Variants in SYNPR observed in about 807,000 individuals in gnomAD.
SYNPR encodes the protein synaptoporin.
SYNPR carries 23 observed loss-of-function variants against 32.9 expected under a neutral mutation model. That is an observed-to-expected ratio of 0.70 (90% confidence interval 0.50 to 0.99). SYNPR has a LOEUF of 0.99. SYNPR is among the 50% of genes least tolerant of loss of function. The pLI is 0.00. For synonymous variants in SYNPR, 146 were observed against 135.9 expected, an observed-to-expected ratio of 1.07 and a Z score of -0.52; for missense variants, 318 against 349.3, an observed-to-expected ratio of 0.91 and a Z score of 0.71.
intron 4 of SYNPR, among the ~76,000 whole-genome samples, chr3:63,579,676 T>C (rs1015882122): frequency 2.0e-5 from 3 of 152,148 alleles, no homozygotes; most frequent in Admixed American, 6.6e-5. Context: ...TTGTTGTTTC[T>C]GTTGGTGTTT....
At chr3:63,455,100 C>T (rs868592205) in intron 2 of SYNPR, among the ~76,000 whole-genome samples, 10 of 152,042 alleles carry the variant, frequency 6.6e-5, no homozygotes, top group Middle Eastern at 3.4e-3. Context: ...CCTAATTTGA[C>T]GTTATAGTTT....
intron 2 of SYNPR, among the ~76,000 whole-genome samples, chr3:63,338,113 G>C (rs1468817087): frequency 6.6e-6 from 1 of 152,214 alleles, no homozygotes; most frequent in Non-Finnish European, 1.5e-5. Context: ...TTTGGGATGG[G>C]AGTGGGGTAG....
At chr3:63,492,302 C>T (rs181023523) in intron 3 of SYNPR, among the ~76,000 whole-genome samples, 94 of 152,248 alleles carry the variant, frequency 6.2e-4, no homozygotes, top group Non-Finnish European at 1.0e-3. Flanking sequence ...CCTTGCTGAA[C>T]CTCAGTTTCC....
intron 3 of SYNPR, among the ~76,000 whole-genome samples, chr3:63,543,664 C>T (rs984695777): frequency 2.4e-4 from 36 of 151,952 alleles, no homozygotes; most frequent in African/African-American, 8.7e-4. Context: ...CCTATCAAAC[C>T]CTTGCTAGAC....
the SYNPR span, among the ~76,000 whole-genome samples, chr3:63,209,959 A>C: frequency 6.6e-6 from 1 of 152,130 alleles, no homozygotes; most frequent in South Asian, 2.1e-4. Context: ...TGTTGGATGA[A>C]TTTAGACTGT....
At chr3:63,446,279 TG>T (rs1301897325) in intron 2 of SYNPR, among the ~76,000 whole-genome samples, 4 of 135,794 alleles carry the variant, frequency 2.9e-5, no homozygotes, top group Non-Finnish European at 5.2e-5. Flanking sequence ...ACTCCCACCA[TG>T]TTTTTTTTTT....
rs10566584 is a variant in SYNPR at position 63,613,610 on chromosome 3, C to CAAAAAAAAAA, written c.601-1594_601-1585dup. Among the ~76,000 whole-genome samples, 33 of 46,050 alleles carry CAAAAAAAAAA rather than the reference C, an allele frequency of 7.2e-4. 3 individuals are homozygous for CAAAAAAAAAA. The East Asian group carries it at 0.021, about 29-fold the overall frequency. The allele number at this position is 46,050 out of a possible 152,430, so 30.2% of individuals were successfully genotyped here. ...TGCCTCAGTTCAATTTATGCTGCAG[C>CAAAAAAAAAA]AAAAAAAAAAAAAAAAAAAAAAAAA... On this transcript the variant is annotated intron_variant, in intron 5 of 5. Transcript: ENST00000478300.
At chr3:63,522,695 G>C (rs1459099496) in intron 3 of SYNPR, among the ~76,000 whole-genome samples, 5 of 151,368 alleles carry the variant, frequency 3.3e-5, no homozygotes, top group African/African-American at 1.2e-4. Context: ...GTGTGGAATG[G>C]GAGGCAAGGG....
intron 3 of SYNPR, among the ~76,000 whole-genome samples, chr3:63,509,288 G>GTATA (rs1007085201): frequency 5.4e-5 from 8 of 147,634 alleles, no homozygotes; most frequent in Non-Finnish European, 1.2e-4. Flanking sequence ...ATATGTGTGT[G>GTATA]TATATATATA....
chr3:63,376,993 G>A (rs2087903724), intron 2 of SYNPR, among the ~76,000 whole-genome samples: 1 of 152,032 alleles, frequency 6.6e-6, no homozygotes, highest in Non-Finnish European at 1.5e-5. Context: ...TGAGTTTCAT[G>A]CCTTACACTA....
chr3:63,407,329 T>G (rs2088372928), intron 2 of SYNPR, among the ~76,000 whole-genome samples: 1 of 152,152 alleles, frequency 6.6e-6, no homozygotes, highest in African/African-American at 2.4e-5. Context: ...CTTGAATGAG[T>G]GAAGGATTAC....
At position 63,234,972 on chromosome 3, in the gene SYNPR, A is replaced by G. The variant is rs983873305; in HGVS notation, n.66+6592A>G. Among the ~76,000 whole-genome samples the G allele has an allele frequency of 6.6e-5, 10 of 152,238 alleles. No homozygotes were observed. The South Asian group carries it at 1.9e-3, about 28-fold the overall frequency. On this transcript the variant is annotated intron_variant and non_coding_transcript_variant, in intron 1 of 4. Coordinates refer to the SYNPR transcript ENST00000478456. ...AAAATCCTTTTACAATTTGTCTACAATCTCCCCCCAATGGAGGACGTTTGC... is the reference window on the plus strand; with the variant it reads ...AAAATCCTTTTACAATTTGTCTACAGTCTCCCCCCAATGGAGGACGTTTGC...
At chr3:63,432,710 C>T (rs1700015442) in intron 2 of SYNPR, among the ~76,000 whole-genome samples, 1 of 152,182 alleles carries the variant, frequency 6.6e-6, no homozygotes, top group Non-Finnish European at 1.5e-5. Flanking sequence ...GATCTTGTTT[C>T]CACACTGTGG....
intron 3 of SYNPR, among the ~76,000 whole-genome samples, chr3:63,482,091 T>G (rs1701061090): frequency 6.6e-6 from 1 of 152,026 alleles, no homozygotes; most frequent in Non-Finnish European, 1.5e-5. Context: ...ACTGGAAGAG[T>G]GCCTGAGCTG....
intron 2 of SYNPR, among the ~76,000 whole-genome samples, chr3:63,467,067 G>A (rs962398422): frequency 2.0e-5 from 3 of 152,066 alleles, no homozygotes; most frequent in Non-Finnish European, 2.9e-5. Context: ...CCAGAGTGTG[G>A]TGGTGCAATC....
intron 3 of SYNPR, among the ~76,000 whole-genome samples, chr3:63,494,418 C>CGT (rs1491321839): frequency 1.4e-4 from 9 of 63,582 alleles, no homozygotes; most frequent in Admixed American, 1.2e-3. Context: ...TATATATATA[C>CGT]GTATATATAT....
chr3:63,376,158 A>G (rs973037790), intron 2 of SYNPR, among the ~76,000 whole-genome samples: 3 of 152,064 alleles, frequency 2.0e-5, no homozygotes, highest in African/African-American at 7.2e-5. Context: ...AGCCCAAACC[A>G]TTGCCATCTC....
chr3:63,543,503 A>G (rs187058340), intron 3 of SYNPR, among the ~76,000 whole-genome samples: 1 of 152,230 alleles, frequency 6.6e-6, no homozygotes, highest in East Asian at 1.9e-4. Context: ...TCTGTGGGTG[A>G]AAGGAATTGC....
At chr3:63,319,168 T>C (rs1238021266) in intron 2 of SYNPR, among the ~76,000 whole-genome samples, 2 of 151,948 alleles carry the variant, frequency 1.3e-5, no homozygotes, top group Admixed American at 6.6e-5. Context: ...ATGGCACTAG[T>C]TTTTGAAGAG....
Sources: allele counts gnomAD v4.1 joint callset (sites outside exome capture counted in the v4.1 genomes callset), GRCh38; gene constraint gnomAD v4.1.1; transcripts MANE v1.5; gene names NCBI Gene and HGNC (gene_info 2026-07-23, HGNC 2026-07-21).